The following UGT1A6 variants were observed in gnomAD, a reference collection of about 807,000 sequenced individuals.
UGT1A6 encodes the protein UDP glucuronosyltransferase family 1 member A6.
In UGT1A6, 32 loss-of-function variants were observed where a neutral mutation model predicts 44.4. The observed-to-expected ratio is 0.72, with a 90% CI of 0.54 to 0.97. The LOEUF (loss-of-function observed/expected upper bound fraction) is 0.97, where lower values mean the gene tolerates loss of function less well. Among genes scored for constraint, UGT1A6 ranks in the 50% least tolerant of loss-of-function variants. The pLI, the probability that UGT1A6 is intolerant of heterozygous loss-of-function variation, is 0.00. For synonymous variants in UGT1A6, 238 were observed against 248.5 expected, an observed-to-expected ratio of 0.96 and a Z score of 0.40; for missense variants, 685 against 661.9, an observed-to-expected ratio of 1.03 and a Z score of -0.38.
chr2:233,767,766 CT>C, intron 2 of UGT1A6, 82 bp from the exon 3 acceptor site: 1 of 1,609,200 alleles, frequency 6.2e-7, no homozygotes, highest in South Asian at 1.1e-5. Flanking sequence ...CAGAGGACCC[CT>C]GTTTTCTAGT....
At position 233,737,636 on chromosome 2, in the gene UGT1A6, C is replaced by T. The variant is rs531826913; in HGVS notation, c.862-29398C>T. ...AAATGCAGAAATCATCCATCTTCTGCGTCGATCATGCTGGGAGCTGCAGAT... is the reference window on the plus strand; with the variant it reads ...AAATGCAGAAATCATCCATCTTCTGTGTCGATCATGCTGGGAGCTGCAGAT... On this transcript the variant is annotated intron_variant, in intron 1 of 4. Coordinates refer to ENST00000305139, the MANE Select transcript of UGT1A6 (RefSeq NM_001072.4). Among the ~76,000 whole-genome samples the T allele has an allele frequency of 5.3e-5, 8 of 152,322 alleles. No individual in the cohort carries two copies. In the East Asian group the frequency reaches 5.8e-4, roughly 11 times the overall value.
rs373895890 is a variant in UGT1A6 at position 233,713,391 on chromosome 2, A to G, written c.861+19526A>G. 9.0e-5 allele frequency: 146 copies of G among 1,614,152 alleles called. No homozygotes were observed. The highest frequency in any genetic ancestry group is 1.2e-4 in the Non-Finnish European group (139 of 1,180,034). ...TAGGTCTTGTGTGGAGCTACTGCAT[A>G]ATGAGGCCCTGATCAGGCACCTGCA... On this transcript the variant is annotated intron_variant, in intron 1 of 4. Coordinates refer to ENST00000305139, the MANE Select transcript of UGT1A6 (RefSeq NM_001072.4).
intron 1 of UGT1A6, among the ~76,000 whole-genome samples, chr2:233,716,819 C>T (rs1378965211): frequency 6.6e-6 from 1 of 152,146 alleles, no homozygotes. Context: ...GCTGGGGTGA[C>T]CTCACTGACA....
intron 1 of UGT1A6, among the ~76,000 whole-genome samples, chr2:233,763,098 A>G (rs1698235634): frequency 6.6e-6 from 1 of 152,204 alleles, no homozygotes; most frequent in South Asian, 2.1e-4. Context: ...TAGGAGAGGC[A>G]CCGAACTTTA....
chr2:233,691,705 C>T (rs1249227903), upstream of UGT1A6: 5 of 943,294 alleles, frequency 5.3e-6, no homozygotes, highest in African/African-American at 5.3e-5. Flanking sequence ...AGGAGTCACT[C>T]CCCTGGCAGA....
intron 1 of UGT1A6, among the ~76,000 whole-genome samples, chr2:233,694,371 G>C (rs1001600534): frequency 6.6e-6 from 1 of 151,494 alleles, no homozygotes; most frequent in Non-Finnish European, 1.5e-5. Context: ...GGTTTTTGTA[G>C]TTTTAAAACA....
intron 1 of UGT1A6, among the ~76,000 whole-genome samples, chr2:233,737,265 G>A (rs1426808830): frequency 2.0e-5 from 3 of 152,296 alleles, no homozygotes; most frequent in East Asian, 3.9e-4. Context: ...CAGCAATGGC[G>A]GACACCCCTC....
At chr2:233,726,402 T>C (rs1404707610) in intron 1 of UGT1A6, among the ~76,000 whole-genome samples, 7 of 152,206 alleles carry the variant, frequency 4.6e-5, no homozygotes, top group Non-Finnish European at 1.0e-4. Context: ...AGTCTTTTGA[T>C]GTCAGCATTC....
chr2:233,707,090 G>A (rs2075940449), intron 1 of UGT1A6, among the ~76,000 whole-genome samples: 1 of 152,098 alleles, frequency 6.6e-6, no homozygotes, highest in African/African-American at 2.4e-5. Flanking sequence ...CACTTTGCAT[G>A]GCAGCTGAGG....
At chr2:233,699,180 C>G (rs1205955703) in intron 1 of UGT1A6, among the ~76,000 whole-genome samples, 6 of 152,020 alleles carry the variant, frequency 3.9e-5, no homozygotes, top group Non-Finnish European at 7.4e-5. Context: ...CTGATCCTCA[C>G]TTCTTCTTCA....
rs539153325 is a variant in UGT1A6, at chr2:233,714,494, T to G, written c.861+20629T>G. On this transcript the variant is annotated intron_variant, in intron 1 of 4. Coordinates refer to ENST00000305139, the MANE Select transcript of UGT1A6 (RefSeq NM_001072.4). ...AGGAGAATGTTTCTTGTGAAGACAC[T>G]ACTTAAAAAAAATTCTTACTAGGTT... Among the ~76,000 whole-genome samples, 98 of 152,310 alleles carry G rather than the reference T, an allele frequency of 6.4e-4. 1 individual carries two copies. The South Asian group carries it at 0.019, about 30-fold the overall frequency.
chr2:233,733,707 C>G (rs1270578849), intron 1 of UGT1A6, among the ~76,000 whole-genome samples: 1 of 152,160 alleles, frequency 6.6e-6, no homozygotes, highest in Non-Finnish European at 1.5e-5. Context: ...ATTTGGTTTG[C>G]AGAATTTTAC....
chr2:233,769,756 A>G lies in UGT1A6; in HGVS notation c.1301+1317A>G. 2 of 1,425,682 alleles carry G rather than the reference A, an allele frequency of 1.4e-6. No individual in the cohort carries two copies. Among genetic ancestry groups the G allele is most frequent in the Non-Finnish European group, 1.8e-6 (2 of 1,086,462 alleles). The allele number at this position is 1,425,682 out of a possible 1,614,324, so 88.3% of individuals were successfully genotyped here. ...TGTAGTCCCAGCCACTCTGGAGGCT[A>G]AGGCGGGAGGATTGCTTGAGCCCAG... On this transcript the variant is annotated intron_variant, in intron 4 of 4. Transcript: ENST00000305139. The surrounding 1 kb of genome is among the most constrained non-coding windows in gnomAD (Gnocchi z 4.4).
At chr2:233,771,789 T>TCCCA (rs1282834982) in intron 4 of UGT1A6, among the ~76,000 whole-genome samples, 7 of 144,234 alleles carry the variant, frequency 4.9e-5, no homozygotes, top group East Asian at 4.5e-4. Flanking sequence ...CCTCTCTCCC[T>TCCCA]CCCTCCCTCC....
At chr2:233,725,394 T>G (rs2077443989) in intron 1 of UGT1A6, among the ~76,000 whole-genome samples, 1 of 151,450 alleles carries the variant, frequency 6.6e-6, no homozygotes, top group Admixed American at 6.6e-5. Flanking sequence ...ATAGGTTACC[T>G]TGATGGTCTA....
chr2:233,755,235 C>G (rs1346915931), intron 1 of UGT1A6: 5 of 904,804 alleles, frequency 5.5e-6, no homozygotes, highest in Non-Finnish European at 8.2e-6. Flanking sequence ...CGAGGCCTAC[C>G]GGGGTACTCC....
intron 1 of UGT1A6, among the ~76,000 whole-genome samples, chr2:233,720,207 G>A (rs764211548): frequency 6.6e-6 from 1 of 152,150 alleles, no homozygotes; most frequent in Non-Finnish European, 1.5e-5. Flanking sequence ...TGTGAAGGTG[G>A]GATGGATGCA....
intron 1 of UGT1A6, among the ~76,000 whole-genome samples, chr2:233,750,295 C>T (rs1409213003): frequency 3.3e-5 from 5 of 151,894 alleles, no homozygotes; most frequent in African/African-American, 1.2e-4. Context: ...GCATTTTGCC[C>T]CTGCCCTAGA....
intron 1 of UGT1A6, chr2:233,719,276 C>T (rs749630489): frequency 1.9e-6 from 3 of 1,614,118 alleles, no homozygotes; most frequent in Non-Finnish European, 2.5e-6. Flanking sequence ...TTTTAACAGA[C>T]CCCGTTAACC....
Sources: allele counts gnomAD v4.1 joint callset (sites outside exome capture counted in the v4.1 genomes callset), GRCh38; gene constraint gnomAD v4.1.1; non-coding constraint Gnocchi (gnomAD v3.1); transcripts MANE v1.5; gene names NCBI Gene and HGNC (gene_info 2026-07-23, HGNC 2026-07-21).